The following PGBD2 variants were observed in gnomAD, a reference collection of about 807,000 sequenced individuals.
PGBD2 encodes the protein piggyBac transposable element derived 2, also known as piggyBac transposable element-derived protein 2.
In PGBD2, 6 loss-of-function variants were observed where a neutral mutation model predicts 8.1. The ratio of observed to expected loss-of-function variants is 0.74; its 90% confidence interval spans 0.40 to 1.46. PGBD2 has a LOEUF of 1.46. PGBD2 is among the 40% of genes most tolerant of loss of function. PGBD2 has a pLI of 0.02. For synonymous variants in PGBD2, 318 were observed against 272.2 expected (o/e 1.17, Z -1.66); for missense variants, 802 against 739.0 (o/e 1.09, Z -0.99).
chr1:248,917,866 A>G lies in PGBD2; in HGVS notation c.1282A>G (p.Ile428Val), dbSNP rs916794245. 1.9e-6 allele frequency: 3 copies of G among 1,614,116 alleles called. No individual in the cohort carries two copies. The highest frequency in any genetic ancestry group is 2.5e-6 in the Non-Finnish European group (3 of 1,180,054). Residue 428 changes from isoleucine to valine, a missense_variant, in exon 3 of 3, where the codon ATA becomes GTA. Ile to Val is a conservative substitution (Grantham distance 29). Transcript: ENST00000329291. ...CAACATTTGCTCCAATGCTGTGGGC[A>G]TAGAGCCAGTGAGGCTGACCAGTCG... Reference protein sequence around the residue: ...VVNICSNAVGIEPVRLTSRHS... With the variant: ...VVNICSNAVGVEPVRLTSRHS...
the PGBD2 span, among the ~76,000 whole-genome samples, chr1:248,886,627 G>C: frequency 6.6e-6 from 1 of 152,202 alleles, no homozygotes; most frequent in East Asian, 1.9e-4. Context: ...CTGCCCAGCT[G>C]CCCTTAGACT....
Position 248,917,494 on chromosome 1 carries a change from G to T in PGBD2, c.910G>T (p.Gly304Cys). ...GATTTGGTGTGGGACAACCAGCAGA[G>T]GCTACTTGGTGTGGTTTGAGCCCTC... is the stretch of plus-strand genomic sequence containing the variant. ...YKIWCGTTSR[G>C]YLVWFEPSQG... The change falls in exon 3 of 3, where the codon GGC (glycine) becomes TGC (cysteine). Residue 304 changes from glycine (G) to cysteine (C), a missense_variant. Coordinates refer to ENST00000329291, the MANE Select transcript of PGBD2 (RefSeq NM_170725.3). The T allele has an allele frequency of 6.2e-7, 1 of 1,614,150 alleles. No individual in the cohort carries two copies. The highest frequency in any genetic ancestry group is 1.1e-5 in the South Asian group (1 of 91,084).
At chr1:248,875,322 AAAAAAAG>A in the PGBD2 span, among the ~76,000 whole-genome samples, 8 of 140,190 alleles carry the variant, frequency 5.7e-5, no homozygotes, top group Non-Finnish European at 8.9e-5. Flanking sequence ...AAAAAAAAAA[AAAAAAAG>A]AAAAGAAAAA....
intron 1 of PGBD2, among the ~76,000 whole-genome samples, chr1:248,906,729 C>T (rs1661652990): frequency 1.3e-5 from 2 of 151,270 alleles, no homozygotes; most frequent in African/African-American, 4.9e-5. Flanking sequence ...AATGCCACGT[C>T]ACATCCTGGG....
At chr1:248,884,662 G>C in the PGBD2 span, among the ~76,000 whole-genome samples, 6 of 152,190 alleles carry the variant, frequency 3.9e-5, no homozygotes, top group Non-Finnish European at 7.3e-5. Flanking sequence ...TCAATACATG[G>C]AAGGTATACA....
the PGBD2 span, among the ~76,000 whole-genome samples, chr1:248,874,303 G>A: frequency 5.3e-5 from 8 of 152,178 alleles, no homozygotes; most frequent in Non-Finnish European, 1.0e-4. Context: ...GCCCGGGTTC[G>A]ATTCCCGGTC....
At chr1:248,897,859 C>A in the PGBD2 span, among the ~76,000 whole-genome samples, 1 of 152,178 alleles carries the variant, frequency 6.6e-6, no homozygotes, top group African/African-American at 2.4e-5. Context: ...GGGGCAGCTG[C>A]CATCTCTGCA....
upstream of PGBD2, among the ~76,000 whole-genome samples, chr1:248,902,099 T>C (rs187509076): frequency 1.3e-5 from 2 of 152,124 alleles, no homozygotes; most frequent in African/African-American, 4.8e-5. Context: ...TGAAACCCCA[T>C]CTCTACTAAC....
At chr1:248,920,393 G>C (rs1439229858), downstream of PGBD2, among the ~76,000 whole-genome samples, 2 of 151,934 alleles carry the variant, frequency 1.3e-5, no homozygotes, top group Non-Finnish European at 2.9e-5. Context: ...GAGAACTTGC[G>C]ATGTTTGGTT....
In PGBD2 at chr1:248,918,785, A is replaced by T. The variant is rs1272350109; in HGVS notation, c.*422A>T. 6.0e-6 allele frequency: 1 copy of T among 167,050 alleles called. No individual in the cohort carries two copies. Among genetic ancestry groups the T allele is most frequent in the Non-Finnish European group, 1.5e-5 (1 of 68,138 alleles). 10.3% of individuals were successfully genotyped at this position (167,050 alleles called of 1,614,324 possible). ...TGTAAATGTGATGGATTTCTTAATC[A>T]TATTTATTTCATATTAATCCAAGTT... On this transcript the variant is annotated 3_prime_UTR_variant, in exon 3 of 3. Coordinates refer to ENST00000329291, the MANE Select transcript of PGBD2 (RefSeq NM_170725.3).
chr1:248,883,676 A>G, the PGBD2 span, among the ~76,000 whole-genome samples: 2 of 139,798 alleles, frequency 1.4e-5, no homozygotes, highest in African/African-American at 2.8e-5. Flanking sequence ...GGCTTACTGC[A>G]ACCTCAGCCT....
intron 1 of PGBD2, among the ~76,000 whole-genome samples, chr1:248,908,905 T>C (rs1661762907): frequency 6.6e-6 from 1 of 152,182 alleles, no homozygotes; most frequent in East Asian, 1.9e-4. Context: ...TCCATCATTT[T>C]GTCTTTTCCT....
the PGBD2 span, among the ~76,000 whole-genome samples, chr1:248,884,331 T>C: frequency 4.1e-5 from 6 of 145,160 alleles, no homozygotes; most frequent in African/African-American, 8.6e-5. Flanking sequence ...GATTACAGTT[T>C]TTCGTTTTTG....
the PGBD2 span, among the ~76,000 whole-genome samples, chr1:248,876,200 G>T: frequency 2.0e-5 from 3 of 151,990 alleles, no homozygotes; most frequent in African/African-American, 7.2e-5. Flanking sequence ...TAGAGACAGG[G>T]TTTCTCCACA....
At chr1:248,907,926 G>C (rs1389442793) in intron 1 of PGBD2, among the ~76,000 whole-genome samples, 1 of 152,144 alleles carries the variant, frequency 6.6e-6, no homozygotes, top group Non-Finnish European at 1.5e-5. Flanking sequence ...ACCTGGCTCA[G>C]CTTTGGGGCA....
chr1:248,883,584 C>CTTTT, the PGBD2 span, among the ~76,000 whole-genome samples: 93 of 89,144 alleles, frequency 1.0e-3, no homozygotes, highest in African/African-American at 2.7e-3. Context: ...TTTTTTTTTT[C>CTTTT]TTTTTTTTTT....
At chr1:248,922,556 C>T (rs1379184464), downstream of PGBD2, among the ~76,000 whole-genome samples, 1 of 152,118 alleles carries the variant, frequency 6.6e-6, no homozygotes, top group African/African-American at 2.4e-5. Flanking sequence ...GGAATGCTTC[C>T]AGTTTTTGCC....
the PGBD2 span, among the ~76,000 whole-genome samples, chr1:248,876,094 C>T: frequency 7.3e-5 from 11 of 151,688 alleles, no homozygotes; most frequent in African/African-American, 2.4e-4. Flanking sequence ...CCGCAACCTC[C>T]GCCTCCCTGG....
the PGBD2 span, among the ~76,000 whole-genome samples, chr1:248,878,741 A>C: frequency 6.6e-6 from 1 of 152,200 alleles, no homozygotes; most frequent in African/African-American, 2.4e-5. Context: ...TTGATGTAAA[A>C]TTAGTTTCCT....
Sources: allele counts gnomAD v4.1 joint callset (sites outside exome capture counted in the v4.1 genomes callset), GRCh38; gene constraint gnomAD v4.1.1; transcripts MANE v1.5; gene names NCBI Gene and HGNC (gene_info 2026-07-23, HGNC 2026-07-21).